The following NKTR variants were observed in gnomAD, a reference collection of about 807,000 sequenced individuals.
The protein encoded by NKTR is NK-tumor recognition protein.
A neutral mutation model predicts 156.3 loss-of-function variants in NKTR; 67 were observed. The ratio of observed to expected loss-of-function variants is 0.43; its 90% CI spans 0.35 to 0.53. NKTR has a LOEUF of 0.53. Ranked by LOEUF, NKTR falls within the 20% of genes least tolerant of loss-of-function variation. The pLI is 0.01. For synonymous variants in NKTR, 640 were observed against 596.6 expected (o/e 1.07, Z -1.06); for missense variants, 1,604 against 1,730.9 (o/e 0.93, Z 1.30).
intron 12 of NKTR, 139 bp from the exon 13 acceptor site, chr3:42,636,729 C>A: frequency 6.7e-6 from 8 of 1,189,448 alleles, no homozygotes; most frequent in Non-Finnish European, 8.9e-6. Context: ...CAAGACCAGG[C>A]CTATAACTCT....
At chr3:42,612,197 A>AT (rs1706895655) in intron 2 of NKTR, 1 of 152,184 alleles carries the variant, frequency 6.6e-6, no homozygotes, top group African/African-American at 2.4e-5. Flanking sequence ...ATAATCTACC[A>AT]TTTTTTAAAG....
At chr3:42,628,688 G>A (rs555740079) in intron 6 of NKTR, 1 of 985,346 alleles carries the variant, frequency 1.0e-6, no homozygotes, top group Non-Finnish European at 1.2e-6. Context: ...CCCTTACACT[G>A]TAGAAAAATT....
In NKTR at chr3:42,636,897, A is replaced by G. The variant is rs746915109; in HGVS notation, c.1193A>G (p.Asp398Gly). Residue 398 changes from aspartate (D) to glycine (G), a missense_variant, in exon 13 of 17, where the codon GAT (aspartate) becomes GGT (glycine). Around this residue, in one of 6 missense-constraint regions of NKTR, gnomAD observed 1,255 missense variants for 1,243.7 expected, o/e 1.01. Coordinates refer to ENST00000232978, the MANE Select transcript of NKTR (RefSeq NM_005385.4). ...AGTGACCCCTGTTCAAGCCGATGGG[A>G]TGAAAGAAGCTTGTCTCAGAGATCC... is the stretch of plus-strand genomic sequence containing the variant. ...KLSDPCSSRWDERSLSQRSRS... is the reference protein window; with the variant it reads ...KLSDPCSSRWGERSLSQRSRS... The G allele has an allele frequency of 6.3e-7, 1 of 1,577,032 alleles. No homozygotes were observed. The highest frequency in any genetic ancestry group is 8.6e-7 in the Non-Finnish European group (1 of 1,169,114).
At position 42,638,736 on chromosome 3, in the gene NKTR, A is replaced by G; in HGVS notation, c.3032A>G (p.Lys1011Arg). ...AAAAAGCATAAGGCTCCAAAACGAA[A>G]GCAAGCATTTCACTGGCAGCCTCCA... ...KDKKHKAPKR[K>R]QAFHWQPPLE... Residue 1011 changes from lysine (K) to arginine (R), a missense_variant, in exon 13 of 17, where the codon AAG (lysine) becomes AGG (arginine). Transcript: ENST00000232978. 1 of 1,614,144 alleles carries G rather than the reference A, an allele frequency of 6.2e-7. No homozygotes were observed. Among genetic ancestry groups the G allele is most frequent in the South Asian group, 1.1e-5 (1 of 91,056 alleles).
chr3:42,643,034 C>T (rs558813212), intron 14 of NKTR, among the ~76,000 whole-genome samples: 31 of 152,312 alleles, frequency 2.0e-4, no homozygotes, highest in African/African-American at 7.2e-4. Flanking sequence ...GTATTTTCTA[C>T]TGCTGTCACT....
Position 42,621,295 on chromosome 3 carries a change from T to C in NKTR, c.287-134T>C, listed in dbSNP as rs576594037. ...TATTTGATTAGCTTAAATTTTTCTTTTCTGAGTGTTCAGTCAAGTTATCTG... is the reference window on the plus strand; with the variant it reads ...TATTTGATTAGCTTAAATTTTTCTTCTCTGAGTGTTCAGTCAAGTTATCTG... On this transcript the variant is annotated intron_variant, in intron 5 of 16. Coordinates refer to ENST00000232978, the MANE Select transcript of NKTR (RefSeq NM_005385.4). 3.7e-6 allele frequency: 5 copies of C among 1,345,022 alleles called. No individual in the cohort carries two copies. The Admixed American group carries it at 1.5e-4, about 40-fold the overall frequency. The allele number at this position is 1,345,022 out of a possible 1,614,324, so 83.3% of individuals were successfully genotyped here. A position where few individuals can be genotyped will look rare whatever the true frequency, so the allele number is the denominator to read the frequency against.
intron 2 of NKTR, among the ~76,000 whole-genome samples, chr3:42,614,446 T>A (rs966683844): frequency 4.6e-5 from 7 of 151,816 alleles, no homozygotes; most frequent in Non-Finnish European, 7.4e-5. Context: ...TTTTTTTTTT[T>A]AAAGACCATA....
intron 16 of NKTR, 97 bp from the exon 17 acceptor site, chr3:42,645,791 G>T (rs916762548): frequency 5.8e-6 from 4 of 685,642 alleles, no homozygotes; most frequent in South Asian, 2.1e-5. Flanking sequence ...AAACACTATT[G>T]ATGTTTTCAA....
intron 2 of NKTR, among the ~76,000 whole-genome samples, chr3:42,608,124 C>T (rs1045823022): frequency 7.3e-5 from 11 of 151,104 alleles, no homozygotes; most frequent in African/African-American, 2.4e-4. Context: ...CAAGTAGCTG[C>T]GATTACAGGT....
Position 42,643,915 on chromosome 3 carries a change from G to A in NKTR, c.4213G>A (p.Asp1405Asn), listed in dbSNP as rs1710131145. The change falls in exon 16 of 17, where the codon GAT (aspartate) becomes AAT (asparagine). Residue 1405 changes from aspartate to asparagine, a missense_variant. This residue lies in a region of NKTR where 193 missense variants were observed against 220.2 expected (regional missense o/e 0.88). Coordinates refer to ENST00000232978, the MANE Select transcript of NKTR (RefSeq NM_005385.4). ...CCGTTAAAGCAGGTCCTACACCTAC[G>A]ATAGCTACTATAGCAGGAGTCGGAG... Reference protein sequence around the residue: ...PHSRSRSYTYDSYYSRSRSRS... With the variant: ...PHSRSRSYTYNSYYSRSRSRS... 5 of 1,613,312 alleles carry A rather than the reference G, an allele frequency of 3.1e-6. No homozygotes were observed. Among genetic ancestry groups the A allele is most frequent in the African/African-American group, 1.3e-5 (1 of 74,866 alleles).
intron 9 of NKTR, 82 bp from the exon 10 acceptor site, chr3:42,633,498 T>G: frequency 2.0e-6 from 3 of 1,532,766 alleles, no homozygotes; most frequent in Non-Finnish European, 2.6e-6. Flanking sequence ...ATTATGCTGT[T>G]GTTTTAGTAA....
chr3:42,614,300 G>A (rs745779833), intron 2 of NKTR, among the ~76,000 whole-genome samples: 2 of 152,034 alleles, frequency 1.3e-5, no homozygotes, highest in South Asian at 2.1e-4. Context: ...AGAGACTTAC[G>A]CAAATTCATT....
rs1216106312 is a variant in NKTR, at chr3:42,645,908, C to CT, written c.4323dup (p.Asp1442Ter). The CT allele has an allele frequency of 6.2e-7, 1 of 1,612,688 alleles. No individual in the cohort carries two copies. The highest frequency in any genetic ancestry group is 1.1e-5 in the South Asian group (1 of 90,934). ...TACAGGAGTTGTAGATCTTATGGCT[C>CT]TGACAGTGAAAGTGACCGAAGTTAC... On this transcript the variant is annotated frameshift_variant, in exon 17 of 17. Coordinates refer to ENST00000232978, the MANE Select transcript of NKTR (RefSeq NM_005385.4). LOFTEE classifies it high-confidence loss of function.
At chr3:42,613,799 CCT>C (rs753843743) in intron 2 of NKTR, among the ~76,000 whole-genome samples, 4 of 152,080 alleles carry the variant, frequency 2.6e-5, no homozygotes, top group Non-Finnish European at 4.4e-5. Context: ...ATATTGTTCC[CCT>C]GTCTTATTTT....
chr3:42,636,562 C>G (rs931109488), intron 12 of NKTR, among the ~76,000 whole-genome samples: 18 of 152,136 alleles, frequency 1.2e-4, no homozygotes, highest in African/African-American at 4.3e-4. Flanking sequence ...GCCAGGAACT[C>G]TTGTGATTTG....
intron 2 of NKTR, among the ~76,000 whole-genome samples, chr3:42,603,360 TAAAA>T (rs376932471): frequency 1.3e-4 from 12 of 92,756 alleles, no homozygotes; most frequent in Middle Eastern, 0.015. Context: ...ATCTTGTTTC[TAAAA>T]AAAAAAAAAA....
At chr3:42,644,155 C>T (rs961577194) in intron 16 of NKTR, 152 bp downstream of exon 16, 3 of 542,002 alleles carry the variant, frequency 5.5e-6, no homozygotes, top group Non-Finnish European at 9.8e-6. Flanking sequence ...AACCCACAAG[C>T]AGCCACTAAA....
At chr3:42,612,825 A>G (rs1706972500) in intron 2 of NKTR, among the ~76,000 whole-genome samples, 1 of 151,960 alleles carries the variant, frequency 6.6e-6, no homozygotes. Context: ...TACTGCCTGG[A>G]TACTAGGAGG....
chr3:42,641,981 C>T (rs1709929628), intron 13 of NKTR, among the ~76,000 whole-genome samples: 1 of 151,432 alleles, frequency 6.6e-6, no homozygotes, highest in South Asian at 2.1e-4. Context: ...ATTTTGTTGT[C>T]TTTCTTTATA....
Sources: gnomAD v4.1 joint callset for allele counts (sites outside exome capture counted in the v4.1 genomes callset) on GRCh38, gnomAD v4.1.1 for gene constraint, gnomAD v4.1.1 regional missense constraint, MANE v1.5 for transcripts, NCBI Gene and HGNC (gene_info 2026-07-23, HGNC 2026-07-21) for gene names.